The following PPP4R3B variants were observed in gnomAD, a reference collection of about 807,000 sequenced individuals.
PPP4R3B encodes serine/threonine-protein phosphatase 4 regulatory subunit 3B.
Under a neutral mutation model 95.4 loss-of-function variants are expected in PPP4R3B, and 52 were observed. The observed-to-expected ratio is 0.54, with a 90% CI of 0.44 to 0.69. The LOEUF is 0.69. Ranked by LOEUF, PPP4R3B falls within the 30% of genes least tolerant of loss-of-function variation. The probability of loss-of-function intolerance (pLI) is 0.00; values close to 1 mark genes in which losing one functional copy is unlikely to be tolerated. For synonymous variants in PPP4R3B, 407 were observed against 343.9 expected (o/e 1.18, Z -2.03); for missense variants, 1,003 against 1,005.9 (o/e 1.00, Z 0.04).
At chr2:55,573,833 T>A in intron 11 of PPP4R3B, 56 bp from the exon 12 acceptor site, 1 of 1,107,532 alleles carries the variant, frequency 9.0e-7, no homozygotes. Flanking sequence ...AAATAAAGAA[T>A]AAATAAAGCT....
chr2:55,602,123 A>G (rs1692704406), intron 3 of PPP4R3B, among the ~76,000 whole-genome samples: 1 of 152,212 alleles, frequency 6.6e-6, no homozygotes, highest in Non-Finnish European at 1.5e-5. Context: ...GAAATAAGAA[A>G]TCAAAGCAGT....
intron 11 of PPP4R3B, among the ~76,000 whole-genome samples, chr2:55,574,753 C>A (rs921949025): frequency 2.0e-5 from 3 of 151,206 alleles, no homozygotes; most frequent in African/African-American, 7.3e-5. Context: ...GCCACCATGC[C>A]CAGCTAATTT....
intron 15 of PPP4R3B, 137 bp from the exon 16 acceptor site, chr2:55,559,105 TG>T: frequency 1.5e-6 from 1 of 645,816 alleles, no homozygotes; most frequent in Non-Finnish European, 2.5e-6. Flanking sequence ...CCCAACACTT[TG>T]GGAGGCTGAG....
intron 8 of PPP4R3B, among the ~76,000 whole-genome samples, chr2:55,580,665 T>C (rs895961508): frequency 1.3e-5 from 2 of 152,196 alleles, no homozygotes; most frequent in East Asian, 1.9e-4. Flanking sequence ...CTTTGAAAAT[T>C]TGGAAAATAA....
At chr2:55,594,628 C>T (rs1691512238) in intron 4 of PPP4R3B, among the ~76,000 whole-genome samples, 1 of 152,142 alleles carries the variant, frequency 6.6e-6, no homozygotes. Context: ...AAGACAAAAA[C>T]AGTCATTTGA....
chr2:55,565,020 C>A lies in PPP4R3B; in HGVS notation c.1957G>T (p.Ala653Ser). ...IRVEDIKSLTAHIVENFYKAL... is the reference protein window; with the variant it reads ...IRVEDIKSLTSHIVENFYKAL... ...TTATAAAAGTTTTCAACTATATGGG[C>A]AGTAAGAGACTTGATATCTTCCTGT... Residue 653 changes from alanine (A) to serine (S), a missense_variant, in exon 14 of 17, where the codon GCC becomes TCC. Physicochemically the swap from Ala to Ser is moderately conservative, Grantham distance 99. This residue lies in a region of PPP4R3B where 79 missense variants were observed against 124.9 expected (regional missense o/e 0.63). Coordinates refer to ENST00000616407, the MANE Select transcript of PPP4R3B (RefSeq NM_001122964.3). 1 of 1,594,610 alleles carries A rather than the reference C, an allele frequency of 6.3e-7. No homozygotes were observed. The highest frequency in any genetic ancestry group is 1.8e-5 in the Admixed American group (1 of 56,496).
At chr2:55,578,860 A>AT (rs1219530436) in intron 9 of PPP4R3B, among the ~76,000 whole-genome samples, 4 of 152,094 alleles carry the variant, frequency 2.6e-5, no homozygotes, top group Non-Finnish European at 5.9e-5. Flanking sequence ...TATGCCCCAC[A>AT]TATTTCTGAT....
chr2:55,573,812 T>G (rs1024812157), intron 11 of PPP4R3B, 35 bp from the exon 12 acceptor site: 1 of 1,319,660 alleles, frequency 7.6e-7, no homozygotes, highest in Non-Finnish European at 1.0e-6. Flanking sequence ...AAATAAATAT[T>G]GAATATATCT....
chr2:55,566,834 C>G (rs180794348), intron 13 of PPP4R3B, among the ~76,000 whole-genome samples: 1 of 152,146 alleles, frequency 6.6e-6, no homozygotes, highest in East Asian at 1.9e-4. Flanking sequence ...AAGGGAGACC[C>G]CATACATAAA....
chr2:55,615,857 C>CAAAAA (rs58981030), intron 1 of PPP4R3B, among the ~76,000 whole-genome samples: 13 of 39,064 alleles, frequency 3.3e-4, no homozygotes, highest in East Asian at 1.0e-3. Context: ...ACTCTGTCTC[C>CAAAAA]AAAAAAAAAA....
intron 15 of PPP4R3B, among the ~76,000 whole-genome samples, chr2:55,560,962 T>TG (rs1377359807): frequency 6.6e-6 from 1 of 152,136 alleles, no homozygotes; most frequent in African/African-American, 2.4e-5. Flanking sequence ...CCCCATTTTC[T>TG]GGGGAGAAAT....
chr2:55,579,742 G>A lies in PPP4R3B; in HGVS notation c.1405C>T (p.His469Tyr). 6.2e-7 allele frequency: 1 copy of A among 1,604,760 alleles called. No homozygotes were observed. The highest frequency in any genetic ancestry group is 1.3e-5 in the African/African-American group (1 of 74,520). ...GGTGCTGTGAGAACATGCATACAAT[G>A]GTTGTAGAAAAAATTTAGAAATTCA... ...KSEFLNFFYNHCMHVLTAPLL... is the reference protein window; with the variant it reads ...KSEFLNFFYNYCMHVLTAPLL... The change falls in exon 9 of 17, where the codon CAT becomes TAT. Residue 469 changes from histidine (H) to tyrosine (Y), a missense_variant. By Grantham distance (83) the His-to-Tyr change is moderately conservative. Around this residue, in one of 3 missense-constraint regions of PPP4R3B, gnomAD observed 695 missense variants for 686.2 expected, o/e 1.01. Transcript: ENST00000616407.
chr2:55,575,912 C>T (rs1402077885), intron 11 of PPP4R3B, among the ~76,000 whole-genome samples: 1 of 152,190 alleles, frequency 6.6e-6, no homozygotes, highest in African/African-American at 2.4e-5. Flanking sequence ...ATGACCATCA[C>T]ATATAAATAC....
chr2:55,574,754 C>A lies in PPP4R3B; in HGVS notation c.1607-977G>T, dbSNP rs1240320524. On this transcript the variant is annotated intron_variant, in intron 11 of 16. Transcript: ENST00000616407. ...GACTACAGGCACCCGCCACCATGCCCAGCTAATTTTTTTGTATTTTTAGTA... is the reference window on the plus strand; with the variant it reads ...GACTACAGGCACCCGCCACCATGCCAAGCTAATTTTTTTGTATTTTTAGTA... 2.0e-5 allele frequency among the ~76,000 whole-genome samples: 3 copies of A among 151,524 alleles called. No homozygotes were observed. The South Asian group carries it at 6.2e-4, about 32-fold the overall frequency.
intron 2 of PPP4R3B, among the ~76,000 whole-genome samples, chr2:55,610,424 G>A (rs1027897231): frequency 1.3e-5 from 2 of 151,984 alleles, no homozygotes; most frequent in African/African-American, 2.4e-5. Context: ...GTGGTAGGAG[G>A]GGGAGAAACC....
chr2:55,582,870 A>G (rs1032429208), intron 7 of PPP4R3B, among the ~76,000 whole-genome samples: 1 of 152,204 alleles, frequency 6.6e-6, no homozygotes, highest in Non-Finnish European at 1.5e-5. Context: ...TCATCCAGTC[A>G]GGTTCTGCAA....
rs185563875 is a variant in PPP4R3B at position 55,577,582 on chromosome 2, C to G, written c.1565-226G>C. Among the ~76,000 whole-genome samples, 33 of 152,162 alleles carry G rather than the reference C, an allele frequency of 2.2e-4. No individual in the cohort carries two copies. The East Asian group carries it at 5.2e-3, about 24-fold the overall frequency. On this transcript the variant is annotated intron_variant, in intron 10 of 16. Transcript: ENST00000616407. ...TAAAAGACAACATAGCATAAATATT[C>G]TGATAAAAAGTAAGATTACAACCAG...
chr2:55,565,344 T>TA (rs1346972498), intron 13 of PPP4R3B, among the ~76,000 whole-genome samples: 1 of 151,592 alleles, frequency 6.6e-6, no homozygotes, highest in African/African-American at 2.4e-5. Context: ...GTTTACAATT[T>TA]AAAAAGCACT....
intron 2 of PPP4R3B, among the ~76,000 whole-genome samples, chr2:55,612,959 A>AC (rs1312792604): frequency 6.6e-5 from 10 of 151,696 alleles, no homozygotes; most frequent in Non-Finnish European, 1.3e-4. Context: ...AAAAAAAAAA[A>AC]AATTAGTCAA....
Sources: allele counts gnomAD v4.1 joint callset (sites outside exome capture counted in the v4.1 genomes callset), GRCh38; gene constraint gnomAD v4.1.1; regional missense constraint gnomAD v4.1.1; transcripts MANE v1.5; gene names NCBI Gene and HGNC (gene_info 2026-07-23, HGNC 2026-07-21).